The following TMOD3 variants were observed in gnomAD, a reference collection of about 807,000 sequenced individuals.
TMOD3 encodes the protein tropomodulin 3.
A neutral mutation model predicts 39.2 loss-of-function variants in TMOD3; 20 were observed. That is an observed-to-expected ratio of 0.51 (90% CI 0.36 to 0.74). The LOEUF (loss-of-function observed/expected upper bound fraction) is 0.74. Among genes scored for constraint, TMOD3 ranks in the 30% least tolerant of loss-of-function variants. The probability of loss-of-function intolerance (pLI) is 0.00; values close to 1 mark genes in which losing one functional copy is unlikely to be tolerated. For synonymous variants in TMOD3, 143 were observed against 145.8 expected, an observed-to-expected ratio of 0.98 and a Z score of 0.14; for missense variants, 381 against 412.8, an observed-to-expected ratio of 0.92 and a Z score of 0.67.
intron 2 of TMOD3, among the ~76,000 whole-genome samples, chr15:51,863,501 A>G (rs1226531353): frequency 2.0e-5 from 3 of 152,234 alleles, no homozygotes; most frequent in Admixed American, 1.3e-4. Flanking sequence ...CTTCTTGGCA[A>G]TACAGCAGTC....
At chr15:51,863,470 T>C (rs1340296690) in intron 2 of TMOD3, among the ~76,000 whole-genome samples, 1 of 152,204 alleles carries the variant, frequency 6.6e-6, no homozygotes, top group Non-Finnish European at 1.5e-5. Flanking sequence ...TTCCAGACAT[T>C]GGTAGAATAG....
chr15:51,857,726 G>A (rs1019976695), intron 1 of TMOD3, among the ~76,000 whole-genome samples: 3 of 151,334 alleles, frequency 2.0e-5, no homozygotes, highest in Admixed American at 6.6e-5. Context: ...ATGTATTAAA[G>A]CACATTAAAA....
chr15:51,905,950 C>CAAAAAAAAAAA (rs869172248), intron 9 of TMOD3, among the ~76,000 whole-genome samples: 8 of 64,726 alleles, frequency 1.2e-4, no homozygotes, highest in South Asian at 7.4e-4. Context: ...GACTCCGTCT[C>CAAAAAAAAAAA]AAAAAAAAAA....
At chr15:51,881,162 TG>T (rs2056531343) in intron 3 of TMOD3, among the ~76,000 whole-genome samples, 1 of 152,198 alleles carries the variant, frequency 6.6e-6, no homozygotes, top group Non-Finnish European at 1.5e-5. Flanking sequence ...CTCGAACTTC[TG>T]GGCTCAAACA....
intron 2 of TMOD3, among the ~76,000 whole-genome samples, chr15:51,868,687 G>A (rs917003741): frequency 2.0e-5 from 3 of 152,110 alleles, no homozygotes; most frequent in Admixed American, 6.6e-5. Context: ...ATTAGAAAAC[G>A]TATGCTGGGC....
chr15:51,832,810 C>CT (rs1390409961), intron 1 of TMOD3, among the ~76,000 whole-genome samples: 3 of 152,098 alleles, frequency 2.0e-5, no homozygotes, highest in Non-Finnish European at 4.4e-5. Flanking sequence ...GAAAAAAAGG[C>CT]TTTTAGTAAG....
In TMOD3 at chr15:51,871,267, C is replaced by G. The variant is rs190579289; in HGVS notation, c.283+1894C>G. ...ATCATAAAGACAGGCAGAGGCATCT[C>G]TTCCTTTTTATTTGTCAAAGAAAAC... On this transcript the variant is annotated intron_variant, in intron 3 of 9. Transcript: ENST00000308580. Among the ~76,000 whole-genome samples the G allele has an allele frequency of 4.2e-3, 634 of 152,272 alleles. 4 individuals are homozygous for G. Among genetic ancestry groups the G allele is most frequent in the Non-Finnish European group, 6.5e-3 (441 of 68,022 alleles).
chr15:51,856,077 A>T (rs1277528922), intron 1 of TMOD3, among the ~76,000 whole-genome samples: 1 of 152,226 alleles, frequency 6.6e-6, no homozygotes, highest in African/African-American at 2.4e-5. Flanking sequence ...AGCCTGGGCA[A>T]CATGGTGAAA....
chr15:51,860,120 T>TC (rs2056409634), intron 1 of TMOD3: 1 of 478,670 alleles, frequency 2.1e-6, no homozygotes, highest in East Asian at 5.4e-5. Flanking sequence ...GCTGCTCTTC[T>TC]CCCGTTTGTG....
At chr15:51,851,026 G>A (rs2011995) in intron 1 of TMOD3, among the ~76,000 whole-genome samples, 61,169 of 152,022 alleles carry the variant, frequency 0.4, 12,467 homozygotes, top group Admixed American at 0.44. Context: ...GCACTCGGCC[G>A]GAAGAGTTAG....
At position 51,893,890 on chromosome 15, in the gene TMOD3, A is replaced by G. The variant is rs2056608029; in HGVS notation, c.572A>G (p.Lys191Arg). ...PNPTNVEESL[K>R]RTKENDAHLV... is the part of the protein sequence containing the mutation. ...CCAACCAATGTAGAAGAGAGTTTGAAGAGAACTAAAGAAAACGATGCTCAT... is the reference window on the plus strand; with the variant it reads ...CCAACCAATGTAGAAGAGAGTTTGAGGAGAACTAAAGAAAACGATGCTCAT... Residue 191 changes from lysine to arginine, a missense_variant, in exon 6 of 10, where the codon AAG becomes AGG. Coordinates refer to ENST00000308580, the MANE Select transcript of TMOD3 (RefSeq NM_014547.5). The G allele has an allele frequency of 6.2e-7, 1 of 1,610,222 alleles. No homozygotes were observed. The highest frequency in any genetic ancestry group is 8.5e-7 in the Non-Finnish European group (1 of 1,177,900).
Position 51,896,435 on chromosome 15 carries a change from C to G in TMOD3, c.644C>G (p.Thr215Ser). Residue 215 changes from threonine to serine, a missense_variant, in exon 7 of 10, where the codon ACC becomes AGC. Physicochemically the swap from Thr to Ser is moderately conservative, Grantham distance 58. Coordinates refer to ENST00000308580, the MANE Select transcript of TMOD3 (RefSeq NM_014547.5). ...LNNIKNIPIP[T>S]LKDFAKALET... ...TCTTTCAAGAATATCCCAATTCCAA[C>G]CCTAAAAGATTTTGCAAAGGCTTTG... The G allele has an allele frequency of 1.2e-6, 2 of 1,611,934 alleles. No homozygotes were observed. Among genetic ancestry groups the G allele is most frequent in the Non-Finnish European group, 1.7e-6 (2 of 1,178,512 alleles).
chr15:51,878,739 T>C (rs1566861538), intron 3 of TMOD3, among the ~76,000 whole-genome samples: 1 of 152,324 alleles, frequency 6.6e-6, no homozygotes, highest in East Asian at 1.9e-4. Context: ...CCTCATTCTT[T>C]AGTTTGATTG....
In TMOD3 at chr15:51,908,821, G is replaced by C. The variant is rs1454685944; in HGVS notation, c.*11G>C. ...GGAGATCACCAGTAAGTCTGCAAAGGTGTAATCTTTGGAAGACTTCAGAAG... is the reference window on the plus strand; with the variant it reads ...GGAGATCACCAGTAAGTCTGCAAAGCTGTAATCTTTGGAAGACTTCAGAAG... On this transcript the variant is annotated 3_prime_UTR_variant, in exon 10 of 10. Coordinates refer to ENST00000308580, the MANE Select transcript of TMOD3 (RefSeq NM_014547.5). The C allele has an allele frequency of 6.2e-7, 1 of 1,602,498 alleles. No homozygotes were observed. Among genetic ancestry groups the C allele is most frequent in the South Asian group, 1.1e-5 (1 of 88,116 alleles).
intron 5 of TMOD3, among the ~76,000 whole-genome samples, chr15:51,892,685 C>T (rs188439225): frequency 1.3e-4 from 20 of 152,286 alleles, no homozygotes; most frequent in Admixed American, 1.2e-3. Context: ...ATGTGCCCTC[C>T]CATCACCTTA....
chr15:51,875,295 A>T (rs1321855621), intron 3 of TMOD3: 1 of 152,202 alleles, frequency 6.6e-6, no homozygotes, highest in Non-Finnish European at 1.5e-5. Context: ...TTATTTTTGT[A>T]ATCATATTGT....
intron 8 of TMOD3, among the ~76,000 whole-genome samples, chr15:51,900,867 A>T (rs576235157): frequency 9.8e-5 from 15 of 152,332 alleles, no homozygotes; most frequent in Middle Eastern, 6.8e-3. Flanking sequence ...AATTACATAC[A>T]GTAAAATTCA....
At chr15:51,890,278 C>G (rs2056585799) in intron 5 of TMOD3, among the ~76,000 whole-genome samples, 1 of 150,854 alleles carries the variant, frequency 6.6e-6, no homozygotes, top group Non-Finnish European at 1.5e-5. Flanking sequence ...AAGCGCTTCT[C>G]TTGCCTTAGC....
Position 51,910,846 on chromosome 15 carries a change from C to G in TMOD3, c.*2036C>G, listed in dbSNP as rs1311883544. On this transcript the variant is annotated 3_prime_UTR_variant, in exon 10 of 10. Coordinates refer to ENST00000308580, the MANE Select transcript of TMOD3 (RefSeq NM_014547.5). ...ATAGGGGCCAAAGGTTAACTTTGCA[C>G]TATTCCCTGTCAGTTAAAGGCCACT... The G allele has an allele frequency of 6.6e-6, 1 of 151,684 alleles. No homozygotes were observed. Among genetic ancestry groups the G allele is most frequent in the Non-Finnish European group, 1.5e-5 (1 of 67,978 alleles). 9.4% of individuals were successfully genotyped at this position (151,684 alleles called of 1,614,324 possible).
Sources: allele counts gnomAD v4.1 joint callset (sites outside exome capture counted in the v4.1 genomes callset), GRCh38; gene constraint gnomAD v4.1.1; transcripts MANE v1.5; gene names NCBI Gene and HGNC (gene_info 2026-07-23, HGNC 2026-07-21).